Variants in LIMCH1 observed in about 807,000 individuals in gnomAD.
LIMCH1 encodes the protein LIM and calponin homology domains 1, also known as LIM and calponin homology domains-containing protein 1.
A neutral mutation model predicts 176.5 loss-of-function variants in LIMCH1; 113 were observed. That is an observed-to-expected ratio of 0.64 (90% confidence interval 0.55 to 0.75). The LOEUF is 0.75. Ranked by LOEUF, LIMCH1 falls within the 30% of genes least tolerant of loss-of-function variation. The pLI is 0.00. For synonymous variants in LIMCH1, 619 were observed against 645.9 expected (o/e 0.96, Z 0.63); for missense variants, 1,674 against 1,814.9 (o/e 0.92, Z 1.41).
chr4:41,464,844 G>A (rs79534795), intron 1 of LIMCH1, among the ~76,000 whole-genome samples: 2,034 of 152,316 alleles, frequency 0.013, 44 homozygotes, highest in African/African-American at 0.046. Context: ...CTTGTGTGGA[G>A]CACAGAGTCT....
At chr4:41,458,313 C>A (rs990844764) in intron 1 of LIMCH1, among the ~76,000 whole-genome samples, 7 of 151,904 alleles carry the variant, frequency 4.6e-5, no homozygotes, top group South Asian at 2.1e-4. Context: ...TGTAAAAAAA[C>A]CAAATAAATA....
chr4:41,526,071 C>T (rs2076621952), intron 3 of LIMCH1, among the ~76,000 whole-genome samples: 1 of 152,080 alleles, frequency 6.6e-6, no homozygotes. Context: ...ATGCATTTGT[C>T]TTTATATTAT....
chr4:41,571,254 AAGACAG>A (rs375680421), intron 1 of LIMCH1, among the ~76,000 whole-genome samples: 47 of 152,202 alleles, frequency 3.1e-4, no homozygotes, highest in African/African-American at 1.1e-3. Flanking sequence ...GAAAAAGATG[AAGACAG>A]AGACAGAGAA....
At chr4:41,424,610 G>C (rs2060908098) in intron 1 of LIMCH1, among the ~76,000 whole-genome samples, 1 of 152,088 alleles carries the variant, frequency 6.6e-6, no homozygotes, top group South Asian at 2.1e-4. Context: ...TGAAACTTAT[G>C]AATGTTCACA....
intron 1 of LIMCH1, among the ~76,000 whole-genome samples, chr4:41,471,275 A>G (rs1228039597): frequency 6.6e-6 from 1 of 152,214 alleles, no homozygotes; most frequent in East Asian, 1.9e-4. Flanking sequence ...AAGTTCAACT[A>G]CTATGCATTA....
chr4:41,362,404 A>G (rs2052256861), intron 1 of LIMCH1, among the ~76,000 whole-genome samples: 1 of 152,174 alleles, frequency 6.6e-6, no homozygotes, highest in South Asian at 2.1e-4. Flanking sequence ...TGTGTTGCGT[A>G]CTTATGCTCC....
chr4:41,507,788 A>G (rs1211708032), intron 2 of LIMCH1, among the ~76,000 whole-genome samples: 1 of 147,526 alleles, frequency 6.8e-6, no homozygotes, highest in African/African-American at 2.5e-5. Flanking sequence ...CTTTATAGGA[A>G]CCCACTTATG....
At chr4:41,612,891 A>G in intron 4 of LIMCH1, 4 of 1,410,766 alleles carry the variant, frequency 2.8e-6, no homozygotes, top group Non-Finnish European at 3.7e-6. Context: ...TCAGAAAGAC[A>G]GCTCCCTTTC....
At chr4:41,391,201 T>G (rs1400018272) in intron 1 of LIMCH1, among the ~76,000 whole-genome samples, 1 of 152,220 alleles carries the variant, frequency 6.6e-6, no homozygotes, top group Non-Finnish European at 1.5e-5. Flanking sequence ...TCCTGCCATA[T>G]TGGAAAAATA....
At chr4:41,411,672 A>G (rs1260937396) in intron 1 of LIMCH1, among the ~76,000 whole-genome samples, 1 of 113,520 alleles carries the variant, frequency 8.8e-6, no homozygotes, top group Non-Finnish European at 2.2e-5. Flanking sequence ...GGAAAAAAAA[A>G]AGGATAGGCT....
intron 1 of LIMCH1, among the ~76,000 whole-genome samples, chr4:41,468,028 A>G (rs1193807589): frequency 3.9e-5 from 6 of 152,222 alleles, no homozygotes; most frequent in Admixed American, 6.5e-5. Flanking sequence ...GGTAAAAATG[A>G]CAGCTCTTTG....
chr4:41,644,584 G>A lies in LIMCH1; in HGVS notation c.2211G>A (p.Leu737=). 6.2e-7 allele frequency: 1 copy of A among 1,611,892 alleles called. No homozygotes were observed. Among genetic ancestry groups the A allele is most frequent in the Non-Finnish European group, 8.5e-7 (1 of 1,179,200 alleles). The part of the protein sequence containing the change: ...HSRARQEQLQ[L]INNQLREEDD... ...GGGCCCGCCAGGAGCAGCTGCAGCT[G>A]ATAAATAACCAGCTGAGGGAAGAGG... The change falls in exon 15 of 32, where the codon CTG becomes CTA. Residue 737 remains leucine, a synonymous_variant. Coordinates refer to ENST00000503057, the MANE Select transcript of LIMCH1 (RefSeq NM_001330672.2).
At chr4:41,512,654 A>T (rs2075069788) in intron 2 of LIMCH1, among the ~76,000 whole-genome samples, 1 of 152,212 alleles carries the variant, frequency 6.6e-6, no homozygotes, top group African/African-American at 2.4e-5. Context: ...GTCATAAAAG[A>T]CTACACATTA....
At chr4:41,506,329 A>AGATGTGGTGTGTCACG (rs2154181719) in intron 2 of LIMCH1, among the ~76,000 whole-genome samples, 1 of 152,262 alleles carries the variant, frequency 6.6e-6, no homozygotes, top group Admixed American at 6.5e-5. Context: ...TTTCAGCATG[A>AGATGTGGTGTGTCACG]GATGTGGTGT....
At chr4:41,631,077 G>GTTT in intron 9 of LIMCH1, 71 bp from the exon 10 acceptor site, 2 of 960,590 alleles carry the variant, frequency 2.1e-6, no homozygotes, top group Non-Finnish European at 2.8e-6. Context: ...TTTTTTTTTT[G>GTTT]TTTTTTTTTT....
chr4:41,589,469 GA>G (rs922594637), intron 1 of LIMCH1, among the ~76,000 whole-genome samples: 1 of 152,130 alleles, frequency 6.6e-6, no homozygotes, highest in Admixed American at 6.5e-5. Flanking sequence ...TTTTAGAAGA[GA>G]AACCTGGGAC....
At chr4:41,375,196 A>C (rs1385556344) in intron 1 of LIMCH1, among the ~76,000 whole-genome samples, 1 of 152,248 alleles carries the variant, frequency 6.6e-6, no homozygotes, top group East Asian at 1.9e-4. Flanking sequence ...TGAACTATTC[A>C]GAACACTGAC....
At chr4:41,373,385 A>C (rs2054264657) in intron 1 of LIMCH1, among the ~76,000 whole-genome samples, 1 of 152,216 alleles carries the variant, frequency 6.6e-6, no homozygotes, top group African/African-American at 2.4e-5. Flanking sequence ...GGCTGCAGGA[A>C]AGCTGCATGG....
intron 1 of LIMCH1, among the ~76,000 whole-genome samples, chr4:41,383,127 A>G (rs753695625): frequency 2.0e-5 from 3 of 152,194 alleles, no homozygotes; most frequent in Non-Finnish European, 4.4e-5. Context: ...TCCATCTTAT[A>G]TTTGAACTAA....
Sources: allele counts gnomAD v4.1 joint callset (sites outside exome capture counted in the v4.1 genomes callset), GRCh38; gene constraint gnomAD v4.1.1; transcripts MANE v1.5; gene names NCBI Gene and HGNC (gene_info 2026-07-23, HGNC 2026-07-21).